RPS6KA2: variants seen among roughly 807,000 people sequenced by gnomAD.
The protein encoded by RPS6KA2 is ribosomal protein S6 kinase alpha-2.
A neutral mutation model predicts 91.8 loss-of-function variants in RPS6KA2; 42 were observed. That is an observed-to-expected ratio of 0.46 (90% confidence interval 0.36 to 0.59). The LOEUF (loss-of-function observed/expected upper bound fraction) is 0.59. Ranked by LOEUF, RPS6KA2 falls within the 20% of genes least tolerant of loss-of-function variation. The probability of loss-of-function intolerance (pLI) is 0.00; values close to 1 mark genes in which losing one functional copy is unlikely to be tolerated. For synonymous variants in RPS6KA2, 414 were observed against 393.6 expected, an observed-to-expected ratio of 1.05 and a Z score of -0.61; for missense variants, 798 against 978.5, an observed-to-expected ratio of 0.82 and a Z score of 2.46.
At chr6:166,422,921 G>C (rs745308970) in intron 17 of RPS6KA2, among the ~76,000 whole-genome samples, 1 of 152,178 alleles carries the variant, frequency 6.6e-6, no homozygotes, top group African/African-American at 2.4e-5. Flanking sequence ...TCTGCGTCCT[G>C]GTTGTATAAG....
chr6:166,639,637 C>T lies in RPS6KA2; in HGVS notation c.124-100853G>A, dbSNP rs527917528. 5.1e-4 allele frequency among the ~76,000 whole-genome samples: 77 copies of T among 152,270 alleles called. No individual in the cohort carries two copies. The East Asian group carries it at 8.7e-3, about 17-fold the overall frequency. The stretch of plus-strand genomic sequence containing the variant: ...CAGGGTGCAGTCTCTGCTCCTGCCC[C>T]GCTGACTTACTCCTAAGAAGATGAA... On this transcript the variant is annotated intron_variant, in intron 2 of 21. Coordinates refer to the RPS6KA2 transcript ENST00000503859. This position sits in a 1 kb window ranked among gnomAD's most constrained non-coding sequence, Gnocchi z 4.2.
Position 166,423,406 on chromosome 6 carries a change from T to C in RPS6KA2, c.1593A>G (p.Arg531=), listed in dbSNP as rs377086192. Reference sequence around the variant, plus strand: ...ACAGGATGTTACTCGGCTTCAGGTCTCGATGAACAACCTGCAAGACAGAAG... The same window carrying C: ...ACAGGATGTTACTCGGCTTCAGGTCCCGATGAACAACCTGCAAGACAGAAG... ...DYLHSQGVVH[R]DLKPSNILYR... Residue 531 remains arginine (R), a synonymous_variant, in exon 17 of 21, where the codon CGA becomes CGG. Coordinates refer to ENST00000265678, the MANE Select transcript of RPS6KA2 (RefSeq NM_021135.6). The surrounding 1 kb of genome is among the most constrained non-coding windows in gnomAD (Gnocchi z 4.8). 1.9e-6 allele frequency: 3 copies of C among 1,609,078 alleles called. No individual in the cohort carries two copies. Among genetic ancestry groups the C allele is most frequent in the Non-Finnish European group, 2.6e-6 (3 of 1,175,888 alleles).
At chr6:166,766,372 G>A (rs1012607350) in intron 2 of RPS6KA2, among the ~76,000 whole-genome samples, 5 of 152,010 alleles carry the variant, frequency 3.3e-5, no homozygotes, top group South Asian at 2.1e-4. Flanking sequence ...TATAATTATT[G>A]TACCAGTAAT....
At chr6:166,637,677 G>A (rs192155829) in intron 2 of RPS6KA2, among the ~76,000 whole-genome samples, 32 of 152,368 alleles carry the variant, frequency 2.1e-4, no homozygotes, top group African/African-American at 6.7e-4. Context: ...AAGTGATAGG[G>A]TCCTCACTGG....
At chr6:166,453,848 G>A (rs747502912) in intron 12 of RPS6KA2, among the ~76,000 whole-genome samples, 4 of 152,298 alleles carry the variant, frequency 2.6e-5, no homozygotes, top group Middle Eastern at 6.8e-3. Flanking sequence ...GTACATATAC[G>A]CAATGGAATA....
intron 1 of RPS6KA2, among the ~76,000 whole-genome samples, chr6:166,587,035 A>C (rs1370356936): frequency 2.6e-5 from 4 of 152,202 alleles, no homozygotes; most frequent in African/African-American, 9.6e-5. Context: ...CCCACAGCTA[A>C]CTGCAGGCCC....
chr6:166,682,949 G>A (rs947918862), intron 2 of RPS6KA2, among the ~76,000 whole-genome samples: 1 of 152,162 alleles, frequency 6.6e-6, no homozygotes, highest in Non-Finnish European at 1.5e-5. Flanking sequence ...TGAGTTGAAG[G>A]CATGAATGAA....
chr6:166,737,583 T>G lies in RPS6KA2; in HGVS notation c.123+120617A>C, dbSNP rs1790704025. 6.6e-6 allele frequency among the ~76,000 whole-genome samples: 1 copy of G among 152,168 alleles called. No individual in the cohort carries two copies. Among genetic ancestry groups the G allele is most frequent in the South Asian group, 2.1e-4 (1 of 4,834 alleles). On this transcript the variant is annotated intron_variant, in intron 2 of 21. Coordinates refer to the RPS6KA2 transcript ENST00000503859. This position sits in a 1 kb window ranked among gnomAD's most constrained non-coding sequence, Gnocchi z 4.3. Reference sequence around the variant, plus strand: ...TGTTCAATTAAAAACAGAATGAGCTTTTTCACAGGAAACTACTACTGACTC... The same window carrying G: ...TGTTCAATTAAAAACAGAATGAGCTGTTTCACAGGAAACTACTACTGACTC...
At chr6:166,686,313 T>C (rs766096785) in intron 2 of RPS6KA2, among the ~76,000 whole-genome samples, 4 of 152,180 alleles carry the variant, frequency 2.6e-5, no homozygotes, top group Non-Finnish European at 4.4e-5. Context: ...TCTCCTACTG[T>C]GGGACCCTCT....
intron 11 of RPS6KA2, chr6:166,460,539 G>A (rs966414780): frequency 1.3e-5 from 2 of 152,548 alleles, no homozygotes; most frequent in African/African-American, 4.8e-5. Context: ...CTGGAAGGCC[G>A]AGGGACCTCC....
intron 2 of RPS6KA2, among the ~76,000 whole-genome samples, chr6:166,719,752 G>A (rs1790120002): frequency 1.3e-5 from 2 of 152,198 alleles, no homozygotes; most frequent in Non-Finnish European, 2.9e-5. Flanking sequence ...ACTGAAAGCC[G>A]ACTACTTTCG....
In RPS6KA2 at chr6:166,488,735, T is replaced by C. The variant is rs1781493636; in HGVS notation, c.907+98A>G. On this transcript the variant is annotated intron_variant, in intron 10 of 20. Transcript: ENST00000265678. The stretch of plus-strand genomic sequence containing the variant: ...CTGTTTTCAGTGACCTTGGTTGGCA[T>C]TGGGCCGGAGCAGGAGGGTGGCCCT... 10 of 878,806 alleles carry C rather than the reference T, an allele frequency of 1.1e-5. 1 individual carries two copies. Among genetic ancestry groups the C allele is most frequent in the Middle Eastern group, 6.6e-4 (2 of 3,020 alleles). The allele number at this position is 878,806 out of a possible 1,614,324, so 54.4% of individuals were successfully genotyped here. A position where few individuals can be genotyped will look rare whatever the true frequency, so the allele number is the denominator to read the frequency against.
chr6:166,691,800 C>T (rs1789212556), intron 2 of RPS6KA2, among the ~76,000 whole-genome samples: 1 of 152,196 alleles, frequency 6.6e-6, no homozygotes. Flanking sequence ...AACTAGATTG[C>T]AGGCATTTAT....
chr6:166,589,356 C>T (rs553943410), intron 1 of RPS6KA2, among the ~76,000 whole-genome samples: 1 of 152,348 alleles, frequency 6.6e-6, no homozygotes, highest in African/African-American at 2.4e-5. Context: ...ATCTGCAGCA[C>T]TAAGTATGCA....
At chr6:166,782,919 G>C (rs537542299) in intron 2 of RPS6KA2, among the ~76,000 whole-genome samples, 2,228 of 142,080 alleles carry the variant, frequency 0.016, 64 homozygotes, top group African/African-American at 0.061. Flanking sequence ...CCCCAGGCTT[G>C]TCTAATCTCT....
intron 2 of RPS6KA2, among the ~76,000 whole-genome samples, chr6:166,676,829 A>G (rs765386029): frequency 7.9e-5 from 12 of 152,368 alleles, no homozygotes; most frequent in Non-Finnish European, 1.5e-4. Flanking sequence ...AATACCAAAC[A>G]CAATTTACTA....
Position 166,823,434 on chromosome 6 carries a change from A to AGTGTGTGTGT in RPS6KA2, c.123+34756_123+34765dup, listed in dbSNP as rs56187218. Among the ~76,000 whole-genome samples the AGTGTGTGTGT allele has an allele frequency of 5.8e-4, 86 of 148,092 alleles. No homozygotes were observed. In the South Asian group the frequency reaches 8.9e-3, roughly 15 times the overall value. On this transcript the variant is annotated intron_variant, in intron 2 of 21. Coordinates refer to the RPS6KA2 transcript ENST00000503859. ...TTGTTATGCACTGTATTGGTTTTGC[A>AGTGTGTGTGT]GTGTGTGTGTGTGTGTGTGTGTGTG...
intron 2 of RPS6KA2, among the ~76,000 whole-genome samples, chr6:166,851,183 A>T (rs1400144788): frequency 6.6e-6 from 1 of 152,122 alleles, no homozygotes; most frequent in African/African-American, 2.4e-5. Context: ...GCGCACATCA[A>T]GAGTTGGGTT....
chr6:166,683,614 AT>A lies in RPS6KA2; in HGVS notation c.124-144831del, dbSNP rs1372506158. ...AATATTTCCTTCCATTAATCAGTAA[AT>A]GTTCCTTTTCCCAACGTGCTTCCCC... is the stretch of plus-strand genomic sequence containing the variant. On this transcript the variant is annotated intron_variant, in intron 2 of 21. Coordinates refer to the RPS6KA2 transcript ENST00000503859. 4.6e-5 allele frequency among the ~76,000 whole-genome samples: 7 copies of A among 152,346 alleles called. No homozygotes were observed. In the East Asian group the frequency reaches 1.4e-3, roughly 29 times the overall value.
Sources: allele counts gnomAD v4.1 joint callset (sites outside exome capture counted in the v4.1 genomes callset), GRCh38; gene constraint gnomAD v4.1.1; non-coding constraint Gnocchi (gnomAD v3.1); transcripts MANE v1.5; gene names NCBI Gene and HGNC (gene_info 2026-07-23, HGNC 2026-07-21).